Variants in ARMH1 observed in about 807,000 individuals in gnomAD.
ARMH1 encodes armadillo like helical domain containing 1.
A neutral mutation model predicts 50.2 loss-of-function variants in ARMH1; 34 were observed. That is an observed-to-expected ratio of 0.68 (90% CI 0.51 to 0.90). The LOEUF (loss-of-function observed/expected upper bound fraction) is 0.90. Among genes scored for constraint, ARMH1 ranks in the 40% least tolerant of loss-of-function variants. The probability of loss-of-function intolerance (pLI) is 0.00; values close to 1 mark genes in which losing one functional copy is unlikely to be tolerated. For synonymous variants in ARMH1, 221 were observed against 224.2 expected, an observed-to-expected ratio of 0.99 and a Z score of 0.13; for missense variants, 538 against 553.9, an observed-to-expected ratio of 0.97 and a Z score of 0.29.
chr1:44,701,823 G>A (rs544636414), intron 5 of ARMH1, among the ~76,000 whole-genome samples: 1 of 152,146 alleles, frequency 6.6e-6, no homozygotes, highest in Non-Finnish European at 1.5e-5. Flanking sequence ...CAGCTACTTG[G>A]GAGGCTGAGT....
chr1:44,690,509 A>G (rs1366861464), intron 2 of ARMH1, among the ~76,000 whole-genome samples: 2 of 151,812 alleles, frequency 1.3e-5, no homozygotes, highest in Non-Finnish European at 2.9e-5. Context: ...ACCCTTTCCT[A>G]TCTCCTTATT....
At chr1:44,709,300 G>C (rs1216796543) in intron 6 of ARMH1, among the ~76,000 whole-genome samples, 3 of 151,852 alleles carry the variant, frequency 2.0e-5, no homozygotes, top group East Asian at 3.9e-4. Context: ...TCCCTAAGTG[G>C]TTTCCCATGT....
At chr1:44,692,526 T>C (rs185245236) in intron 2 of ARMH1, among the ~76,000 whole-genome samples, 3 of 152,160 alleles carry the variant, frequency 2.0e-5, no homozygotes, top group South Asian at 2.1e-4. Flanking sequence ...TTCTAACATG[T>C]AGCACAATGC....
At chr1:44,708,498 G>A (rs1345915190) in intron 6 of ARMH1, among the ~76,000 whole-genome samples, 1 of 152,162 alleles carries the variant, frequency 6.6e-6, no homozygotes, top group East Asian at 1.9e-4. Context: ...CACTGAGAAG[G>A]GGAAAACTGA....
In ARMH1 at chr1:44,724,461, C is replaced by A. The variant is rs1182014058; in HGVS notation, c.920+69C>A. On this transcript the variant is annotated intron_variant, in intron 8 of 11. Coordinates refer to ENST00000535358, the MANE Select transcript of ARMH1 (RefSeq NM_001145636.2). This position sits in a 1 kb window ranked among gnomAD's most constrained non-coding sequence, Gnocchi z 6.4. ...TGGCGCTGCCGGCGGGCCCCGGGAGCGCTCCGTGCGCCGGGTGGGCGGGGG... is the reference window on the plus strand; with the variant it reads ...TGGCGCTGCCGGCGGGCCCCGGGAGAGCTCCGTGCGCCGGGTGGGCGGGGG... 1.3e-6 allele frequency: 2 copies of A among 1,521,804 alleles called. No individual in the cohort carries two copies. Among genetic ancestry groups the A allele is most frequent in the Non-Finnish European group, 8.8e-7 (1 of 1,136,454 alleles). The allele number at this position is 1,521,804 out of a possible 1,614,324, so 94.3% of individuals were successfully genotyped here.
chr1:44,676,851 A>G (rs1006956488), intron 1 of ARMH1, among the ~76,000 whole-genome samples: 17 of 152,344 alleles, frequency 1.1e-4, no homozygotes, highest in Admixed American at 7.8e-4. Context: ...TTTTATTCGG[A>G]TGGAAGAAAT....
chr1:44,697,960 G>A (rs1573357556), intron 3 of ARMH1, 103 bp from the exon 4 acceptor site: 1 of 867,058 alleles, frequency 1.2e-6, no homozygotes, highest in East Asian at 2.8e-5. Context: ...TCCTGGATAG[G>A]AGGGCAAAGT....
chr1:44,721,367 A>T lies in ARMH1; in HGVS notation c.725-2755A>T, dbSNP rs1325553874. Among the ~76,000 whole-genome samples, 3 of 152,232 alleles carry T rather than the reference A, an allele frequency of 2.0e-5. No homozygotes were observed. In the South Asian group the frequency reaches 6.2e-4, roughly 32 times the overall value. On this transcript the variant is annotated intron_variant, in intron 6 of 11. Transcript: ENST00000535358. Reference sequence around the variant, plus strand: ...TAACTCTTAAGTTTTTCCTACACTTAATTTTTCAAATATGAGACCAGTCCA... The same window carrying T: ...TAACTCTTAAGTTTTTCCTACACTTTATTTTTCAAATATGAGACCAGTCCA...
intron 6 of ARMH1, among the ~76,000 whole-genome samples, chr1:44,719,852 T>A (rs993807727): frequency 6.6e-6 from 1 of 152,152 alleles, no homozygotes; most frequent in African/African-American, 2.4e-5. Context: ...TGGTGCCCAG[T>A]TCTGGGGTGG....
intron 5 of ARMH1, among the ~76,000 whole-genome samples, chr1:44,703,308 TG>T (rs1177433090): frequency 6.6e-6 from 1 of 152,048 alleles, no homozygotes; most frequent in Non-Finnish European, 1.5e-5. Flanking sequence ...GAGAGTTCAG[TG>T]GCAGCCTCAG....
chr1:44,704,525 T>TG (rs1480485580), intron 6 of ARMH1, among the ~76,000 whole-genome samples: 1 of 151,608 alleles, frequency 6.6e-6, no homozygotes, highest in Non-Finnish European at 1.5e-5. Flanking sequence ...GGGTTTTTTT[T>TG]TTTTGAGGCA....
intron 2 of ARMH1, 94 bp from the exon 3 acceptor site, chr1:44,697,008 A>C (rs1490966881): frequency 9.9e-6 from 9 of 907,386 alleles, no homozygotes; most frequent in Non-Finnish European, 1.4e-5. Context: ...CTACTTGGCC[A>C]CCCTGGGCCC....
intron 4 of ARMH1, among the ~76,000 whole-genome samples, chr1:44,699,796 C>T (rs1469631462): frequency 2.0e-5 from 3 of 151,452 alleles, no homozygotes; most frequent in Admixed American, 6.6e-5. Context: ...AAAGAGATGC[C>T]ATCCCCCACA....
chr1:44,691,742 T>C (rs1274498466), intron 2 of ARMH1, among the ~76,000 whole-genome samples: 1 of 152,194 alleles, frequency 6.6e-6, no homozygotes, highest in African/African-American at 2.4e-5. Flanking sequence ...ATCCAACTAT[T>C]CCATACCCAT....
chr1:44,683,180 T>C lies in ARMH1; in HGVS notation c.-22-6496T>C, dbSNP rs1377330475. On this transcript the variant is annotated intron_variant, in intron 1 of 11. Coordinates refer to ENST00000535358, the MANE Select transcript of ARMH1 (RefSeq NM_001145636.2). The surrounding 1 kb of genome is among the most constrained non-coding windows in gnomAD (Gnocchi z 4.2). The stretch of plus-strand genomic sequence containing the variant: ...GAGAGGAATAAGTCAAAGACAACTT[T>C]TGGCTGACTAGGAGGGTGGTGACCC... Among the ~76,000 whole-genome samples, 1 of 152,192 alleles carries C rather than the reference T, an allele frequency of 6.6e-6. No homozygotes were observed. The highest frequency in any genetic ancestry group is 1.5e-5 in the Non-Finnish European group (1 of 68,034).
chr1:44,688,802 T>C (rs987678772), intron 1 of ARMH1, among the ~76,000 whole-genome samples: 1 of 152,122 alleles, frequency 6.6e-6, no homozygotes, highest in Non-Finnish European at 1.5e-5. Context: ...CCACTGAAAA[T>C]ACTCTCCCAA....
rs530716088 is a variant in ARMH1, at chr1:44,714,901, G to A, written c.725-9221G>A. 1.8e-3 allele frequency among the ~76,000 whole-genome samples: 270 copies of A among 151,688 alleles called. 6 individuals carry two copies. The South Asian group carries it at 0.053, about 30-fold the overall frequency. ...CCCGGCCTTTTTTCTTTTTTTGTTG[G>A]GGGGGAAACAGTTTTACTGTTTCCC... On this transcript the variant is annotated intron_variant, in intron 6 of 11. Coordinates refer to ENST00000535358, the MANE Select transcript of ARMH1 (RefSeq NM_001145636.2).
rs1162489430 is a variant in ARMH1, at chr1:44,682,857, T to TGA, written c.-22-6819_-22-6818insGA. On this transcript the variant is annotated intron_variant, in intron 1 of 11. Coordinates refer to ENST00000535358, the MANE Select transcript of ARMH1 (RefSeq NM_001145636.2). The surrounding 1 kb of genome is among the most constrained non-coding windows in gnomAD (Gnocchi z 4.5). ...CAGGAGGCTGAGGTGGGAGGATCAC[T>TGA]CGAGCCCAGGCGATTGAGGCTGCGG... Among the ~76,000 whole-genome samples the TGA allele has an allele frequency of 9.9e-5, 15 of 152,158 alleles. No homozygotes were observed. The highest frequency in any genetic ancestry group is 1.9e-4 in the Non-Finnish European group (13 of 68,024).
intron 2 of ARMH1, among the ~76,000 whole-genome samples, chr1:44,695,202 C>T (rs1042685960): frequency 4.6e-5 from 7 of 152,170 alleles, no homozygotes; most frequent in African/African-American, 1.7e-4. Flanking sequence ...ACTGTGGGAC[C>T]TTGGACAAGT....
Sources: allele counts gnomAD v4.1 joint callset (sites outside exome capture counted in the v4.1 genomes callset), GRCh38; gene constraint gnomAD v4.1.1; non-coding constraint Gnocchi (gnomAD v3.1); transcripts MANE v1.5; gene names NCBI Gene and HGNC (gene_info 2026-07-23, HGNC 2026-07-21).